IL17D: variants seen among roughly 807,000 people sequenced by gnomAD.
IL17D encodes interleukin 17D.
Under a neutral mutation model 5.7 loss-of-function variants are expected in IL17D, and 10 were observed. That is an observed-to-expected ratio of 1.75 (90% CI 1.08 to 2.97). The LOEUF is 2.97. Among genes scored for constraint, IL17D ranks in the 30% most tolerant of loss-of-function variants. IL17D has a pLI of 0.00. For synonymous variants in IL17D, 172 were observed against 141.7 expected, an observed-to-expected ratio of 1.21 and a Z score of -1.52; for missense variants, 354 against 292.7, an observed-to-expected ratio of 1.21 and a Z score of -1.53.
Position 20,704,271 on chromosome 13 carries a change from C to T in IL17D, c.270C>T (p.Ser90=). Residue 90 remains serine (S), a synonymous_variant, in exon 1 of 2, where the codon AGC becomes AGT. Coordinates refer to ENST00000682841, the MANE Select transcript of IL17D (RefSeq NM_001385224.1). ...TCCGGCCGCCCACCAACCTGCGCAGCGTGTCGCCCTGGGCCTACAGGTGAG... is the reference window on the plus strand; with the variant it reads ...TCCGGCCGCCCACCAACCTGCGCAGTGTGTCGCCCTGGGCCTACAGGTGAG... ...RRFRPPTNLR[S]VSPWAYRISY... 1 of 1,165,662 alleles carries T rather than the reference C, an allele frequency of 8.6e-7. No homozygotes were observed. The highest frequency in any genetic ancestry group is 1.1e-6 in the Non-Finnish European group (1 of 945,798). 72.2% of individuals were successfully genotyped at this position (1,165,662 alleles called of 1,614,324 possible). A position where few individuals can be genotyped will look rare whatever the true frequency, so the allele number is the denominator to read the frequency against.
At chr13:20,711,194 G>A (rs949138569) in intron 1 of IL17D, among the ~76,000 whole-genome samples, 2 of 152,050 alleles carry the variant, frequency 1.3e-5, no homozygotes, top group African/African-American at 4.8e-5. Context: ...AACTGGGGAG[G>A]TGGAGGTTGC....
intron 1 of IL17D, among the ~76,000 whole-genome samples, chr13:20,719,106 T>C (rs2058711504): frequency 8.1e-6 from 1 of 124,084 alleles, no homozygotes; most frequent in African/African-American, 3.1e-5. Flanking sequence ...CACCTGCCCA[T>C]GCTCGCACAC....
At chr13:20,718,454 A>G (rs1050302124) in intron 1 of IL17D, among the ~76,000 whole-genome samples, 3 of 145,608 alleles carry the variant, frequency 2.1e-5, no homozygotes, top group Non-Finnish European at 3.0e-5. Context: ...CCATGCTCAC[A>G]CACCCACACA....
chr13:20,721,455 A>T (rs1410263544), intron 1 of IL17D, among the ~76,000 whole-genome samples, 181 bp from the exon 2 acceptor site: 3 of 152,228 alleles, frequency 2.0e-5, no homozygotes, highest in Non-Finnish European at 2.9e-5. Context: ...ATGTGCCGTC[A>T]TTTCAAATGT....
At chr13:20,718,342 GC>G (rs2058694591) in intron 1 of IL17D, among the ~76,000 whole-genome samples, 2 of 152,188 alleles carry the variant, frequency 1.3e-5, no homozygotes, top group African/African-American at 4.8e-5. Flanking sequence ...ACCTGTCCAT[GC>G]TTACACACAC....
chr13:20,718,988 TCA>T (rs1302645465), intron 1 of IL17D, among the ~76,000 whole-genome samples: 12 of 108,448 alleles, frequency 1.1e-4, no homozygotes, highest in Admixed American at 8.3e-4. Flanking sequence ...ACCTGCCCAC[TCA>T]CACACCCACA....
chr13:20,718,693 C>CACAT (rs2058702962), intron 1 of IL17D, among the ~76,000 whole-genome samples: 1 of 131,030 alleles, frequency 7.6e-6, no homozygotes, highest in Non-Finnish European at 1.6e-5. Flanking sequence ...CCCACTTACA[C>CACAT]GCCCACGCTC....
chr13:20,708,191 G>A (rs1453824309), intron 1 of IL17D, among the ~76,000 whole-genome samples: 1 of 152,232 alleles, frequency 6.6e-6, no homozygotes, highest in Non-Finnish European at 1.5e-5. Flanking sequence ...GGGATTACAG[G>A]CCCAAGCCAC....
rs1484921358 is a variant in IL17D, at chr13:20,716,065, T to C, written c.291-5571T>C. The C allele has an allele frequency of 1.0e-6, 1 of 985,032 alleles. No homozygotes were observed. The highest frequency in any genetic ancestry group is 4.7e-5 in the South Asian group (1 of 21,284). The allele number at this position is 985,032 out of a possible 1,614,324, so 61.0% of individuals were successfully genotyped here. A position where few individuals can be genotyped will look rare whatever the true frequency, so the allele number is the denominator to read the frequency against. ...CGACACTTTTAACAGGAGTCCCATATAGGCCTCATGCCGGTGGTCTGAAAA... is the reference window on the plus strand; with the variant it reads ...CGACACTTTTAACAGGAGTCCCATACAGGCCTCATGCCGGTGGTCTGAAAA... On this transcript the variant is annotated intron_variant, in intron 1 of 1. Coordinates refer to ENST00000682841, the MANE Select transcript of IL17D (RefSeq NM_001385224.1). This position sits in a 1 kb window ranked among gnomAD's most constrained non-coding sequence, Gnocchi z 4.2.
At chr13:20,707,805 G>GT (rs1231939631) in intron 1 of IL17D, among the ~76,000 whole-genome samples, 3 of 152,140 alleles carry the variant, frequency 2.0e-5, no homozygotes, top group Non-Finnish European at 4.4e-5. Context: ...GATTACAGGC[G>GT]TAAGCCATGG....
intron 1 of IL17D, among the ~76,000 whole-genome samples, chr13:20,708,960 CA>C (rs59047970): frequency 0.033 from 2,151 of 65,228 alleles, 37 homozygotes; most frequent in African/African-American, 0.096. Context: ...GACTCTGTCT[CA>C]AAAAAAAAAA....
intron 1 of IL17D, chr13:20,712,951 TC>T (rs2058651358): frequency 6.6e-6 from 1 of 151,944 alleles, no homozygotes; most frequent in Non-Finnish European, 1.5e-5. Context: ...CTCCCTTCTT[TC>T]CTTCCTCTCT....
At chr13:20,720,874 A>ACCC (rs67735251) in intron 1 of IL17D, among the ~76,000 whole-genome samples, 6 of 75,738 alleles carry the variant, frequency 7.9e-5, no homozygotes, top group African/African-American at 1.2e-4. Context: ...CTCCCTCCCA[A>ACCC]CCCCCCCCCC....
chr13:20,714,832 A>C (rs1353062245), intron 1 of IL17D, among the ~76,000 whole-genome samples: 2 of 152,180 alleles, frequency 1.3e-5, no homozygotes, highest in African/African-American at 4.8e-5. Context: ...CACATATTGA[A>C]GATCTTTGGC....
chr13:20,714,518 G>T (rs1366742869), intron 1 of IL17D, among the ~76,000 whole-genome samples: 1 of 152,236 alleles, frequency 6.6e-6, no homozygotes, highest in South Asian at 2.1e-4. Context: ...GAGAGGGTGG[G>T]CAGGCTAAGC....
intron 1 of IL17D, among the ~76,000 whole-genome samples, chr13:20,706,451 A>G (rs2058592964): frequency 1.3e-5 from 2 of 152,356 alleles, no homozygotes; most frequent in South Asian, 4.1e-4. Context: ...GTGGCTCCCC[A>G]CAGGCTGGGC....
chr13:20,710,452 A>G (rs1263939107), intron 1 of IL17D, among the ~76,000 whole-genome samples: 2 of 15,592 alleles, frequency 1.3e-4, no homozygotes, highest in African/African-American at 7.3e-4. Context: ...CATCTCTACT[A>G]AAAAAAAAAA....
chr13:20,719,002 A>ACACC, intron 1 of IL17D, among the ~76,000 whole-genome samples: 1 of 118,012 alleles, frequency 8.5e-6, no homozygotes, highest in Non-Finnish European at 1.8e-5. Context: ...ACACCCACAC[A>ACACC]TGCCCATGCT....
intron 1 of IL17D, among the ~76,000 whole-genome samples, chr13:20,718,617 G>GCC (rs137964252): frequency 2.6e-5 from 2 of 76,366 alleles, no homozygotes; most frequent in African/African-American, 5.7e-5. Context: ...AGACACACCT[G>GCC]CCCCCCACAC....
Sources: allele counts gnomAD v4.1 joint callset (sites outside exome capture counted in the v4.1 genomes callset), GRCh38; gene constraint gnomAD v4.1.1; non-coding constraint Gnocchi (gnomAD v3.1); transcripts MANE v1.5; gene names NCBI Gene and HGNC (gene_info 2026-07-23, HGNC 2026-07-21).